NEB: variants seen among roughly 807,000 people sequenced by gnomAD.
The protein encoded by NEB is nemaline myopathy type 2.
A neutral mutation model predicts 952.2 loss-of-function variants in NEB; 512 were observed. The observed-to-expected ratio is 0.54, with a 90% CI of 0.50 to 0.58. NEB has a LOEUF of 0.58. Ranked by LOEUF, NEB falls within the 20% of genes least tolerant of loss-of-function variation. The probability of loss-of-function intolerance (pLI) is 0.00; values close to 1 mark genes in which losing one functional copy is unlikely to be tolerated. For missense variants in NEB, 8,428 were observed against 9,231.1 expected, an observed-to-expected ratio of 0.91 and a Z score of 3.56; for synonymous variants, 2,900 against 3,149.8, an observed-to-expected ratio of 0.92 and a Z score of 2.66.
Position 151,642,599 on chromosome 2 carries a change from T to C in NEB, c.8348A>G (p.Lys2783Arg), listed in dbSNP as rs946200520. Residue 2783 changes from lysine to arginine, a missense_variant, in exon 60 of 182, where the codon AAG (lysine) becomes AGG (arginine). Physicochemically the swap from Lys to Arg is conservative, Grantham distance 26. Around this residue, in one of 11 missense-constraint regions of NEB, gnomAD observed 1,772 missense variants for 1,960.3 expected, o/e 0.90. Coordinates refer to ENST00000397345, the MANE Select transcript of NEB (RefSeq NM_001164508.2). ...RVDAIPIKAA[K>R]ASRDIASEFK... The stretch of plus-strand genomic sequence containing the variant: ...TTCACTTGCAATATCTCTGGAGGCC[T>C]TGGCTGCCTTGATAGGAATGGCATC... 1 of 1,613,622 alleles carries C rather than the reference T, an allele frequency of 6.2e-7. No individual in the cohort carries two copies. Among genetic ancestry groups the C allele is most frequent in the Non-Finnish European group, 8.5e-7 (1 of 1,179,628 alleles).
Position 151,494,236 on chromosome 2 carries a change from A to G in NEB, c.24504T>C (p.Asn8168=), listed in dbSNP as rs2152876508. 1.2e-6 allele frequency: 2 copies of G among 1,600,524 alleles called. No homozygotes were observed. Among genetic ancestry groups the G allele is most frequent in the Non-Finnish European group, 1.7e-6 (2 of 1,172,302 alleles). Residue 8168 remains asparagine (N), a synonymous_variant, in exon 174 of 182, where the codon AAT becomes AAC. Coordinates refer to ENST00000397345, the MANE Select transcript of NEB (RefSeq NM_001164508.2). ...ENISSVLYKE[N]VGKATATPVT... ...CAGGGGTTGCGGTGGCTTTCCCCAC[A>G]TTTTCTTTGTACAAAACCTATGGGA...
intron 3 of NEB, among the ~76,000 whole-genome samples, chr2:151,731,200 T>C (rs1358242695): frequency 6.6e-6 from 1 of 152,192 alleles, no homozygotes; most frequent in African/African-American, 2.4e-5. Context: ...GCTCTCACCA[T>C]TGGTAAATCC....
At position 151,508,063 on chromosome 2, in the gene NEB, G is replaced by A. The variant is rs1171243731; in HGVS notation, c.23393C>T (p.Thr7798Ile). 6 of 1,611,090 alleles carry A rather than the reference G, an allele frequency of 3.7e-6. No homozygotes were observed. In the East Asian group the frequency reaches 8.9e-5, roughly 24 times the overall value. Residue 7798 changes from threonine to isoleucine, a missense_variant, in exon 162 of 182, where the codon ACT becomes ATT. Physicochemically the swap from Thr to Ile is moderately conservative, Grantham distance 89. Transcript: ENST00000397345. ...CTGTATCTCTGGGGTGTCCAAAACAGTCTCATAATACGACATGGACTTCTC... is the reference window on the plus strand; with the variant it reads ...CTGTATCTCTGGGGTGTCCAAAACAATCTCATAATACGACATGGACTTCTC... The part of the protein sequence containing the change: ...DAEKSMSYYE[T>I]VLDTPEIQRV...
rs931772501 is a variant in NEB, at chr2:151,552,865, T to C, written c.19732-89A>G. ...CACAGAGGGTTTGGTTGCTTTTAAC[T>C]CATGAGATTTATATTCATCAGCACT... On this transcript the variant is annotated intron_variant, in intron 127 of 181. Coordinates refer to ENST00000397345, the MANE Select transcript of NEB (RefSeq NM_001164508.2). The C allele has an allele frequency of 3.4e-6, 3 of 873,518 alleles. No individual in the cohort carries two copies. The African/African-American group carries it at 5.0e-5, about 15-fold the overall frequency. 54.1% of individuals were successfully genotyped at this position (873,518 alleles called of 1,614,324 possible). A position where few individuals can be genotyped will look rare whatever the true frequency, so the allele number is the denominator to read the frequency against.
At chr2:151,574,479 TTTC>T (rs2096760648) in intron 107 of NEB, among the ~76,000 whole-genome samples, 1 of 152,214 alleles carries the variant, frequency 6.6e-6, no homozygotes, top group South Asian at 2.1e-4. Context: ...TCATTTATTC[TTTC>T]TTAACTAAGA....
chr2:151,609,981 T>A lies in NEB; in HGVS notation c.12158A>T (p.Lys4053Met). 1 of 1,613,988 alleles carries A rather than the reference T, an allele frequency of 6.2e-7. No individual in the cohort carries two copies. The highest frequency in any genetic ancestry group is 1.1e-5 in the South Asian group (1 of 91,084). ...TGGGCTAGAGAACTTGGTTTTCCAC[T>A]TTTGGAATTCCTTCTTGTACTCCCT... ...SEREYKKEFQ[K>M]WKTKFSSPVD... is the part of the protein sequence containing the mutation. Residue 4053 changes from lysine (K) to methionine (M), a missense_variant, in exon 81 of 182, where the codon AAG becomes ATG. Around this residue, in one of 11 missense-constraint regions of NEB, gnomAD observed 337 missense variants for 297.5 expected, o/e 1.13. Coordinates refer to ENST00000397345, the MANE Select transcript of NEB (RefSeq NM_001164508.2).
At chr2:151,700,288 C>T (rs2099636980) in intron 13 of NEB, among the ~76,000 whole-genome samples, 1 of 83,900 alleles carries the variant, frequency 1.2e-5, no homozygotes, top group Non-Finnish European at 2.3e-5. Flanking sequence ...AGTTTGAAGT[C>T]AGGTAGTGTG....
chr2:151,505,132 T>C (rs2067800834), intron 165 of NEB, among the ~76,000 whole-genome samples: 1 of 152,194 alleles, frequency 6.6e-6, no homozygotes, highest in African/African-American at 2.4e-5. Context: ...GTATATGCTT[T>C]TAGTTAAATT....
chr2:151,684,996 TTTA>T (rs1559229385), intron 27 of NEB, 21 bp from the exon 28 acceptor site: 2 of 1,555,686 alleles, frequency 1.3e-6, no homozygotes, highest in Admixed American at 1.8e-5. Flanking sequence ...GAAATTATCA[TTTA>T]TTATCACAAA....
chr2:151,640,338 T>C lies in NEB; in HGVS notation c.8685+17A>G, dbSNP rs1305483135. The C allele has an allele frequency of 1.9e-6, 3 of 1,609,252 alleles. No homozygotes were observed. Among genetic ancestry groups the C allele is most frequent in the Non-Finnish European group, 2.6e-6 (3 of 1,176,146 alleles). On this transcript the variant is annotated intron_variant, in intron 61 of 181. Transcript: ENST00000397345. ...AATTTCCCACCTCTGCACGTTATTATGACTCTCAGTACTCACATCGCTCTG... is the reference window on the plus strand; with the variant it reads ...AATTTCCCACCTCTGCACGTTATTACGACTCTCAGTACTCACATCGCTCTG...
intron 4 of NEB, among the ~76,000 whole-genome samples, chr2:151,728,140 T>A (rs140245557): frequency 2.6e-5 from 4 of 152,208 alleles, no homozygotes; most frequent in African/African-American, 9.6e-5. Flanking sequence ...TTACTCCTTA[T>A]TACTTTGCAA....
chr2:151,619,418 T>C, intron 73 of NEB, 33 bp downstream of exon 73: 1 of 1,552,660 alleles, frequency 6.4e-7, no homozygotes, highest in South Asian at 1.2e-5. Flanking sequence ...AGATCCGCTT[T>C]TAACATGCAG....
At position 151,690,798 on chromosome 2, in the gene NEB, T is replaced by A. The variant is rs993298483; in HGVS notation, c.2239A>T (p.Thr747Ser). The A allele has an allele frequency of 1.3e-6, 2 of 1,594,384 alleles. No individual in the cohort carries two copies. The highest frequency in any genetic ancestry group is 1.7e-6 in the Non-Finnish European group (2 of 1,169,840). ...DHTYKVHPDKTKFTAVTDSPV... is the reference protein window; with the variant it reads ...DHTYKVHPDKSKFTAVTDSPV... ...GAATCAGTGACTGCCGTGAATTTGG[T>A]CTTATCTGGATGAACTTTGTAGGTA... is the stretch of plus-strand genomic sequence containing the variant. The change falls in exon 24 of 182, where the codon ACC becomes TCC. Residue 747 changes from threonine (T) to serine (S), a missense_variant. By Grantham distance (58) the Thr-to-Ser change is moderately conservative (BLOSUM62 1). Coordinates refer to ENST00000397345, the MANE Select transcript of NEB (RefSeq NM_001164508.2).
Position 151,663,746 on chromosome 2 carries a change from G to T in NEB, c.5565C>A (p.Asp1855Glu), listed in dbSNP as rs200468391. ...HFMQVAKMQS[D>E]REYKKGYEKS... The stretch of plus-strand genomic sequence containing the variant: ...TCTCATATCCCTTCTTGTATTCCCG[G>T]TCTGACTGCATCTTGGCCACTTGCA... Residue 1855 changes from aspartate to glutamate, a missense_variant, in exon 45 of 182, where the codon GAC (aspartate) becomes GAA (glutamate). Asp to Glu is a conservative substitution (Grantham distance 45, BLOSUM62 2). This residue lies in a region of NEB where 2,851 missense variants were observed against 2,791.5 expected (regional missense o/e 1.02). Coordinates refer to ENST00000397345, the MANE Select transcript of NEB (RefSeq NM_001164508.2). 1.8e-4 allele frequency: 296 copies of T among 1,613,834 alleles called. 2 individuals are homozygous for T. In the East Asian group the frequency reaches 5.1e-3, roughly 28 times the overall value.
In NEB at chr2:151,516,444, GT is replaced by G; in HGVS notation, c.22905+14del. 27 of 1,567,070 alleles carry G rather than the reference GT, an allele frequency of 1.7e-5. No individual in the cohort carries two copies. The highest frequency in any genetic ancestry group is 3.4e-5 in the Admixed American group (2 of 59,510). ...TGATGGATCATTGTTGTGTGGTGTGGTTTTTTTGACTTACCCCACTCTGCAT... is the reference window on the plus strand; with the variant it reads ...TGATGGATCATTGTTGTGTGGTGTGGTTTTTTGACTTACCCCACTCTGCAT... On this transcript the variant is annotated intron_variant, in intron 157 of 181. Coordinates refer to ENST00000397345, the MANE Select transcript of NEB (RefSeq NM_001164508.2).
At position 151,687,516 on chromosome 2, in the gene NEB, T is replaced by C. The variant is rs375894183; in HGVS notation, c.2540A>G (p.Asp847Gly). 336 of 1,613,786 alleles carry C rather than the reference T, an allele frequency of 2.1e-4. No homozygotes were observed. Among genetic ancestry groups the C allele is most frequent in the Middle Eastern group, 3.3e-4 (2 of 6,084 alleles). ...CATTTTCCCTTTGCTCTTTTCATAGTCTTTCTTGTACATCACCTGCAAAGA... is the reference window on the plus strand; with the variant it reads ...CATTTTCCCTTTGCTCTTTTCATAGCCTTTCTTGTACATCACCTGCAAAGA... Reference protein sequence around the residue: ...KNTSDVMYKKDYEKSKGKMIG... With the variant: ...KNTSDVMYKKGYEKSKGKMIG... The change falls in exon 27 of 182, where the codon GAC becomes GGC. Residue 847 changes from aspartate to glycine, a missense_variant. By Grantham distance (94) the Asp-to-Gly change is moderately conservative. Around this residue, in one of 11 missense-constraint regions of NEB, gnomAD observed 2,851 missense variants for 2,791.5 expected, o/e 1.02. Coordinates refer to ENST00000397345, the MANE Select transcript of NEB (RefSeq NM_001164508.2).
chr2:151,609,698 C>T (rs899979924), intron 81 of NEB, 111 bp downstream of exon 81: 9 of 986,498 alleles, frequency 9.1e-6, no homozygotes, highest in South Asian at 2.7e-5. Flanking sequence ...CAGCCCCACC[C>T]CCAGGTTTGT....
At chr2:151,727,595 G>A (rs901098314) in intron 5 of NEB, 96 bp downstream of exon 5, 2 of 1,259,542 alleles carry the variant, frequency 1.6e-6, no homozygotes, top group South Asian at 3.0e-5. Context: ...ATACAGGTTT[G>A]AGAAACAAAT....
At chr2:151,729,698 A>G in intron 3 of NEB, 42 bp from the exon 4 acceptor site, 5 of 1,597,566 alleles carry the variant, frequency 3.1e-6, no homozygotes, top group Non-Finnish European at 3.4e-6. Context: ...GAACCAAAGC[A>G]GAAACCACCT....
Sources: gnomAD v4.1 joint callset for allele counts (sites outside exome capture counted in the v4.1 genomes callset) on GRCh38, gnomAD v4.1.1 for gene constraint, gnomAD v4.1.1 regional missense constraint, MANE v1.5 for transcripts, NCBI Gene and HGNC (gene_info 2026-07-23, HGNC 2026-07-21) for gene names.